Variants in AFG2A observed in about 807,000 individuals in gnomAD.
AFG2A encodes the protein AAA ATPase AFG2A, also known as ATPase family gene 2 protein homolog A.
chr4:123,142,963 C>G, the AFG2A span, among the ~76,000 whole-genome samples: 1 of 151,952 alleles, frequency 6.6e-6, no homozygotes, highest in South Asian at 2.1e-4. Flanking sequence ...CTGAAATGCT[C>G]CAAAATTTGA....
chr4:123,193,340 A>T, the AFG2A span, among the ~76,000 whole-genome samples: 6 of 152,236 alleles, frequency 3.9e-5, no homozygotes, highest in African/African-American at 1.4e-4. Context: ...GTATTCTTAA[A>T]GTTCCTCTGT....
the AFG2A span, among the ~76,000 whole-genome samples, chr4:123,008,139 G>T: frequency 1.9e-3 from 287 of 152,256 alleles, 1 homozygote; most frequent in Middle Eastern, 0.01. Flanking sequence ...GAGAAGCATG[G>T]CACCAGCATC....
At chr4:122,988,065 GTT>G in the AFG2A span, among the ~76,000 whole-genome samples, 69 of 148,368 alleles carry the variant, frequency 4.7e-4, 1 homozygote, top group African/African-American at 1.4e-3. Flanking sequence ...TTTGTTGGCA[GTT>G]TTTTTTTTTC....
the AFG2A span, among the ~76,000 whole-genome samples, chr4:123,301,013 G>A: frequency 1.3e-5 from 2 of 152,082 alleles, no homozygotes; most frequent in East Asian, 1.9e-4. Flanking sequence ...GGGAAAGCAG[G>A]TGTTATTATG....
At chr4:123,189,901 G>T in the AFG2A span, among the ~76,000 whole-genome samples, 1 of 142,822 alleles carries the variant, frequency 7.0e-6, no homozygotes, top group African/African-American at 2.7e-5. Flanking sequence ...TGCAGCCCGG[G>T]TTCAGGTGAT....
the AFG2A span, among the ~76,000 whole-genome samples, chr4:123,020,534 A>G: frequency 2.0e-5 from 3 of 151,832 alleles, no homozygotes; most frequent in Non-Finnish European, 4.4e-5. Context: ...ATGCCTGGCT[A>G]ATTTTTGTAT....
chr4:123,256,334 A>G, the AFG2A span, among the ~76,000 whole-genome samples: 6 of 152,170 alleles, frequency 3.9e-5, no homozygotes, highest in Non-Finnish European at 8.8e-5. Flanking sequence ...CACTAAGTTA[A>G]ATTGCACTTT....
At chr4:122,935,423 A>AT in the AFG2A span, among the ~76,000 whole-genome samples, 1 of 150,468 alleles carries the variant, frequency 6.6e-6, no homozygotes, top group South Asian at 2.1e-4. Context: ...TTTTTCGATC[A>AT]TTGATCTGTG....
At chr4:123,033,420 A>G in the AFG2A span, among the ~76,000 whole-genome samples, 1 of 152,164 alleles carries the variant, frequency 6.6e-6, no homozygotes, top group East Asian at 1.9e-4. Context: ...CAGGGAAGAT[A>G]GTTTAAGTAG....
the AFG2A span, chr4:123,256,754 C>G: frequency 1.0e-6 from 1 of 985,364 alleles, no homozygotes; most frequent in Non-Finnish European, 1.2e-6. Flanking sequence ...TTGACAAGAA[C>G]AGCAAGACCT....
chr4:122,997,331 C>T, the AFG2A span, among the ~76,000 whole-genome samples: 1 of 152,210 alleles, frequency 6.6e-6, no homozygotes, highest in Non-Finnish European at 1.5e-5. Flanking sequence ...CTGCCCATCT[C>T]ACTTAGATAA....
At chr4:123,017,168 GAGGGAGAGGGGGGAGAGGGAA>G in the AFG2A span, among the ~76,000 whole-genome samples, 2 of 13,838 alleles carry the variant, frequency 1.4e-4, no homozygotes, top group Non-Finnish European at 2.3e-4. Flanking sequence ...GGGAAGGGGA[GAGGGAGAGGGGGGAGAGGGAA>G]AGGGAGAGGG....
chr4:122,992,495 T>G, the AFG2A span, among the ~76,000 whole-genome samples: 1 of 152,240 alleles, frequency 6.6e-6, no homozygotes, highest in Admixed American at 6.5e-5. Context: ...CTACAAAAAT[T>G]TCTCCAGATT....
the AFG2A span, among the ~76,000 whole-genome samples, chr4:123,266,475 T>G: frequency 1.3e-5 from 2 of 151,948 alleles, no homozygotes; most frequent in East Asian, 1.9e-4. Flanking sequence ...TTGCCTAATT[T>G]TTTCACATTG....
the AFG2A span, among the ~76,000 whole-genome samples, chr4:123,154,865 G>C: frequency 6.6e-6 from 1 of 152,186 alleles, no homozygotes; most frequent in South Asian, 2.1e-4. Context: ...GGAGACCTCA[G>C]TAAAGGTGAG....
the AFG2A span, among the ~76,000 whole-genome samples, chr4:123,025,837 A>G: frequency 1.8e-3 from 276 of 152,328 alleles, 1 homozygote; most frequent in Non-Finnish European, 3.0e-3. Context: ...AATGTGCTGC[A>G]TATCTTGTCT....
the AFG2A span, among the ~76,000 whole-genome samples, chr4:123,151,589 T>A: frequency 1.8e-4 from 28 of 152,260 alleles, no homozygotes; most frequent in African/African-American, 6.3e-4. Flanking sequence ...ATACCATCTC[T>A]CACCAGTTAG....
chr4:123,210,181 C>T, the AFG2A span, among the ~76,000 whole-genome samples: 1 of 152,120 alleles, frequency 6.6e-6, no homozygotes, highest in Non-Finnish European at 1.5e-5. Context: ...AATCAAGCTA[C>T]CTAATATATG....
At chr4:122,933,647 T>C in the AFG2A span, 5 of 646,140 alleles carry the variant, frequency 7.7e-6, no homozygotes, top group African/African-American at 9.2e-5. Context: ...ACTTTTAAGA[T>C]AGGGATGTGC....
Sources: allele counts gnomAD v4.1 joint callset (sites outside exome capture counted in the v4.1 genomes callset), GRCh38; gene constraint gnomAD v4.1.1; transcripts MANE v1.5; gene names NCBI Gene and HGNC (gene_info 2026-07-23, HGNC 2026-07-21).